The following GALNT17 variants were observed in gnomAD, a reference collection of about 807,000 sequenced individuals.
GALNT17 encodes UDP-GalNAc:polypeptide N-acetylgalactosaminyltransferase-like 3.
Under a neutral mutation model 63.7 loss-of-function variants are expected in GALNT17, and 29 were observed. The observed-to-expected ratio is 0.46, with a 90% CI of 0.34 to 0.62. The LOEUF (loss-of-function observed/expected upper bound fraction) is 0.62. Among genes scored for constraint, GALNT17 ranks in the 20% least tolerant of loss-of-function variants. The probability of loss-of-function intolerance (pLI) is 0.01; values close to 1 mark genes in which losing one functional copy is unlikely to be tolerated. For missense variants in GALNT17, 603 were observed against 799.6 expected (o/e 0.75, Z 2.97); for synonymous variants, 305 against 318.3 (o/e 0.96, Z 0.45).
chr7:71,677,168 A>G (rs780061890), intron 8 of GALNT17, 43 bp from the exon 9 acceptor site: 3 of 1,602,668 alleles, frequency 1.9e-6, no homozygotes, highest in Admixed American at 1.7e-5. Flanking sequence ...CCACACCTCC[A>G]CTAGCTGAGC....
intron 6 of GALNT17, among the ~76,000 whole-genome samples, chr7:71,650,541 A>G (rs1790739261): frequency 6.6e-6 from 1 of 152,198 alleles, no homozygotes; most frequent in Admixed American, 6.5e-5. Flanking sequence ...GCCTGGCCCA[A>G]TTATGCTCTT....
intron 1 of GALNT17, among the ~76,000 whole-genome samples, chr7:71,144,117 CTCTCAGGCTCCCACT>C (rs1185046837): frequency 6.6e-6 from 1 of 152,152 alleles, no homozygotes; most frequent in African/African-American, 2.4e-5. Flanking sequence ...CCTGAGCCCT[CTCTCAGGCTCCCACT>C]TCTCTTACAC....
rs1163649363 is a variant in GALNT17 at position 71,292,705 on chromosome 7, GTGTGTGTT to G, written c.239-42844_239-42837del. ...TGTGTGTGTGTGTGTGTGTGTGTGT[GTGTGTGTT>G]GGGCAGATTTAAGATCTATCCTCTT... On this transcript the variant is annotated intron_variant, in intron 1 of 10. Coordinates refer to ENST00000333538, the MANE Select transcript of GALNT17 (RefSeq NM_022479.3). Among the ~76,000 whole-genome samples the G allele has an allele frequency of 8.1e-3, 1,178 of 146,034 alleles. 12 individuals carry two copies. Among genetic ancestry groups the G allele is most frequent in the Middle Eastern group, 0.03 (8 of 264 alleles).
intron 1 of GALNT17, among the ~76,000 whole-genome samples, chr7:71,310,133 T>C (rs1791390650): frequency 6.6e-6 from 1 of 152,220 alleles, no homozygotes; most frequent in Non-Finnish European, 1.5e-5. Flanking sequence ...CATGTGGAAC[T>C]GTAAGTCCAT....
Position 71,579,694 on chromosome 7 carries a change from G to A in GALNT17, c.1080+8292G>A, listed in dbSNP as rs545735901. On this transcript the variant is annotated intron_variant, in intron 6 of 10. Coordinates refer to ENST00000333538, the MANE Select transcript of GALNT17 (RefSeq NM_022479.3). ...TGTCCTGAGGACCTTGGGAGTTCAGGATGGTTAGAGCAGAGAAAGGGGGAA... is the reference window on the plus strand; with the variant it reads ...TGTCCTGAGGACCTTGGGAGTTCAGAATGGTTAGAGCAGAGAAAGGGGGAA... 4.6e-5 allele frequency among the ~76,000 whole-genome samples: 7 copies of A among 152,310 alleles called. No homozygotes were observed. The East Asian group carries it at 1.4e-3, about 29-fold the overall frequency.
intron 6 of GALNT17, among the ~76,000 whole-genome samples, chr7:71,602,170 A>G (rs751153384): frequency 6.6e-6 from 1 of 152,212 alleles, no homozygotes; most frequent in South Asian, 2.1e-4. Context: ...GACCATCCCT[A>G]ATTTTAAAAA....
intron 9 of GALNT17, among the ~76,000 whole-genome samples, chr7:71,681,949 CAG>C (rs1791272494): frequency 6.6e-6 from 1 of 151,984 alleles, no homozygotes; most frequent in African/African-American, 2.4e-5. Flanking sequence ...TGTTTTCAGA[CAG>C]AGTCTCGCTC....
chr7:71,546,214 G>A (rs1788982309), intron 5 of GALNT17, among the ~76,000 whole-genome samples: 1 of 149,498 alleles, frequency 6.7e-6, no homozygotes, highest in Non-Finnish European at 1.5e-5. Context: ...AGGCTGAAGT[G>A]CAATGGCACA....
intron 6 of GALNT17, among the ~76,000 whole-genome samples, chr7:71,662,287 C>T (rs549575285): frequency 1.3e-4 from 20 of 152,016 alleles, no homozygotes; most frequent in South Asian, 4.2e-4. Flanking sequence ...CTGAGATTCA[C>T]GCCCGAATCT....
chr7:71,413,998 T>G (rs910311943), intron 3 of GALNT17, among the ~76,000 whole-genome samples: 4 of 152,072 alleles, frequency 2.6e-5, no homozygotes, highest in African/African-American at 9.7e-5. Context: ...TCCCAGCACT[T>G]TGGGAGGCTG....
chr7:71,322,358 GAC>G (rs1212353062), intron 1 of GALNT17, among the ~76,000 whole-genome samples: 8 of 152,292 alleles, frequency 5.3e-5, no homozygotes, highest in Admixed American at 5.2e-4. Flanking sequence ...ATACATGTAA[GAC>G]ATGTCATTTT....
intron 2 of GALNT17, among the ~76,000 whole-genome samples, chr7:71,369,977 G>A (rs1057075071): frequency 6.6e-6 from 1 of 152,098 alleles, no homozygotes; most frequent in African/African-American, 2.4e-5. Context: ...TCTGTCCTAG[G>A]GTGGAAGTGA....
intron 5 of GALNT17, among the ~76,000 whole-genome samples, chr7:71,518,397 C>T (rs1326954804): frequency 6.6e-6 from 1 of 152,120 alleles, no homozygotes; most frequent in African/African-American, 2.4e-5. Flanking sequence ...TTGCTTTCCC[C>T]AAGGAACTCT....
At chr7:71,238,505 A>G (rs182932664) in intron 1 of GALNT17, among the ~76,000 whole-genome samples, 4 of 152,166 alleles carry the variant, frequency 2.6e-5, no homozygotes, top group Admixed American at 1.3e-4. Flanking sequence ...GGTTACAGGC[A>G]TGAGCCATCA....
intron 1 of GALNT17, among the ~76,000 whole-genome samples, chr7:71,213,420 G>A (rs1789418691): frequency 6.6e-6 from 1 of 151,594 alleles, no homozygotes; most frequent in Non-Finnish European, 1.5e-5. Context: ...CTTGGCAATT[G>A]GTATTTATTT....
intron 5 of GALNT17, among the ~76,000 whole-genome samples, chr7:71,490,179 C>G (rs1044259286): frequency 6.6e-6 from 1 of 151,062 alleles, no homozygotes; most frequent in Non-Finnish European, 1.5e-5. Context: ...ATCATTTGAA[C>G]CTGGGAGGCA....
At chr7:71,577,746 A>T (rs1051815139) in intron 6 of GALNT17, among the ~76,000 whole-genome samples, 2 of 152,212 alleles carry the variant, frequency 1.3e-5, no homozygotes, top group African/African-American at 2.4e-5. Context: ...TTTAACCCAG[A>T]TGCCTTAATT....
chr7:71,321,141 A>G (rs1402559691), intron 1 of GALNT17, among the ~76,000 whole-genome samples: 1 of 152,170 alleles, frequency 6.6e-6, no homozygotes, highest in Non-Finnish European at 1.5e-5. Flanking sequence ...CAAATTTCTT[A>G]GGTCTTGGCA....
chr7:71,183,727 A>C (rs1796085), intron 1 of GALNT17, among the ~76,000 whole-genome samples: 39,453 of 151,800 alleles, frequency 0.26, 9,467 homozygotes, highest in African/African-American at 0.65. Context: ...TGAAACCCCC[A>C]CTGTACGAAA....
Sources: allele counts gnomAD v4.1 joint callset (sites outside exome capture counted in the v4.1 genomes callset), GRCh38; gene constraint gnomAD v4.1.1; transcripts MANE v1.5; gene names NCBI Gene and HGNC (gene_info 2026-07-23, HGNC 2026-07-21).